The following ABCC4 variants were observed in gnomAD, a reference collection of about 807,000 sequenced individuals.
ABCC4 encodes the protein ATP binding cassette subfamily C member 4 (PEL blood group).
In ABCC4, 102 loss-of-function variants were observed where a neutral mutation model predicts 168.5. The ratio of observed to expected loss-of-function variants is 0.61; its 90% CI spans 0.52 to 0.71. ABCC4 has a LOEUF of 0.71. ABCC4 is among the 30% of genes least tolerant of loss of function. The pLI is 0.00. For synonymous variants in ABCC4, 617 were observed against 590.7 expected (o/e 1.04, Z -0.65); for missense variants, 1,402 against 1,605.8 (o/e 0.87, Z 2.17).
At chr13:95,120,262 C>T (rs1241380371) in intron 19 of ABCC4, among the ~76,000 whole-genome samples, 1 of 151,630 alleles carries the variant, frequency 6.6e-6, no homozygotes, top group African/African-American at 2.4e-5. Context: ...AAAACTAATA[C>T]TTTTGATAAG....
Position 95,247,182 on chromosome 13 carries a change from T to C in ABCC4, c.186-87A>G, listed in dbSNP as rs1478492308. 2.1e-6 allele frequency: 3 copies of C among 1,420,780 alleles called. No individual in the cohort carries two copies. The East Asian group carries it at 6.9e-5, about 32-fold the overall frequency. The allele number at this position is 1,420,780 out of a possible 1,614,324, so 88.0% of individuals were successfully genotyped here. On this transcript the variant is annotated intron_variant, in intron 2 of 30. Coordinates refer to ENST00000645237, the MANE Select transcript of ABCC4 (RefSeq NM_005845.5). The stretch of plus-strand genomic sequence containing the variant: ...GATGGCAGAGTGACAGGTATGCATT[T>C]AAGACAGGGCATTTTGTGACGATTT...
intron 1 of ABCC4, among the ~76,000 whole-genome samples, chr13:95,270,780 T>C (rs537989239): frequency 2.0e-5 from 3 of 152,360 alleles, no homozygotes; most frequent in Non-Finnish European, 4.4e-5. Flanking sequence ...TGAGTTTCTC[T>C]TCTTTCAGAT....
At chr13:95,213,321 G>A (rs7139533) in intron 4 of ABCC4, among the ~76,000 whole-genome samples, 113,373 of 152,102 alleles carry the variant, frequency 0.75, 43,068 homozygotes, top group Non-Finnish European at 0.84. Flanking sequence ...GTGGTGGCCC[G>A]GGACTGACCT....
chr13:95,131,501 C>G (rs562267248), intron 19 of ABCC4, among the ~76,000 whole-genome samples: 1 of 151,970 alleles, frequency 6.6e-6, no homozygotes, highest in Admixed American at 6.6e-5. Context: ...TGGTGGTGCA[C>G]GACTATAATC....
chr13:95,107,515 G>GT (rs2139390178), intron 20 of ABCC4, among the ~76,000 whole-genome samples: 1 of 152,276 alleles, frequency 6.6e-6, no homozygotes, highest in East Asian at 1.9e-4. Context: ...TTTTTTAACA[G>GT]TAACTATAGA....
chr13:95,280,552 T>C (rs1015068261), intron 1 of ABCC4, among the ~76,000 whole-genome samples: 1 of 142,728 alleles, frequency 7.0e-6, no homozygotes, highest in Non-Finnish European at 1.5e-5. Context: ...GTAGCTGCCA[T>C]TTGCTGTTTT....
At chr13:95,093,256 C>T (rs760696147) in intron 20 of ABCC4, among the ~76,000 whole-genome samples, 6 of 152,002 alleles carry the variant, frequency 3.9e-5, no homozygotes, top group Non-Finnish European at 8.8e-5. Context: ...CACTGCAAAC[C>T]GATATCCTTG....
At chr13:95,182,374 C>G (rs2037926522) in intron 11 of ABCC4, among the ~76,000 whole-genome samples, 1 of 152,080 alleles carries the variant, frequency 6.6e-6, no homozygotes, top group Non-Finnish European at 1.5e-5. Context: ...TAAAAGTGCT[C>G]AAGGATTAAA....
intron 4 of ABCC4, among the ~76,000 whole-genome samples, chr13:95,216,612 A>C (rs1281539060): frequency 0.055 from 762 of 13,916 alleles, 10 homozygotes; most frequent in Middle Eastern, 0.14. Flanking sequence ...AATTCACAAA[A>C]AAAAAAAAAA....
intron 27 of ABCC4, among the ~76,000 whole-genome samples, chr13:95,046,053 T>C (rs375868863): frequency 6.6e-6 from 1 of 152,136 alleles, no homozygotes; most frequent in Non-Finnish European, 1.5e-5. Flanking sequence ...CTGAAAATTA[T>C]AGGATGGAAT....
At chr13:95,047,132 T>G (rs115850104) in intron 27 of ABCC4, among the ~76,000 whole-genome samples, 3,238 of 152,268 alleles carry the variant, frequency 0.021, 103 homozygotes, top group African/African-American at 0.072. Flanking sequence ...GAGAAGGGTA[T>G]GTGTATGTTC....
chr13:95,084,744 T>C (rs553028084), intron 20 of ABCC4, among the ~76,000 whole-genome samples: 13 of 152,352 alleles, frequency 8.5e-5, no homozygotes, highest in African/African-American at 2.4e-4. Flanking sequence ...GCAAATGACA[T>C]GTATGAGCAC....
chr13:95,178,029 A>C lies in ABCC4; in HGVS notation c.1608T>G (p.Ser536Arg). ...TVIGDRGTTL[S>R]GGQKARVNLA... ...GGTTTACCCGTGCTTTCTGCCCTCC[A>C]CTCAGCGTGGTTCCCCGATCTCCTA... The change falls in exon 12 of 31, where the codon AGT becomes AGG. Residue 536 changes from serine (S) to arginine (R), a missense_variant. Physicochemically the swap from Ser to Arg is moderately radical, Grantham distance 110. Coordinates refer to ENST00000645237, the MANE Select transcript of ABCC4 (RefSeq NM_005845.5). 1 of 1,613,962 alleles carries C rather than the reference A, an allele frequency of 6.2e-7. No homozygotes were observed. Among genetic ancestry groups the C allele is most frequent in the Non-Finnish European group, 8.5e-7 (1 of 1,179,982 alleles).
intron 20 of ABCC4, among the ~76,000 whole-genome samples, chr13:95,113,287 A>G (rs118025620): frequency 0.028 from 4,276 of 152,224 alleles, 80 homozygotes; most frequent in Non-Finnish European, 0.047. Flanking sequence ...AATTCAGGAG[A>G]CTACTTAGAA....
Position 95,206,760 on chromosome 13 carries a change from C to G in ABCC4, c.933G>C (p.Leu311=). ...NLRKKEISKI[L]RSSCLRGMNL... is the part of the protein sequence containing the mutation. ...TCATCCCTCTGAGGCAGGAACTTCT[C>G]AGAATCTTGGAAATCTCCTTCCTGA... is the stretch of plus-strand genomic sequence containing the variant. Residue 311 remains leucine (L), a synonymous_variant, in exon 8 of 31, where the codon CTG becomes CTC. Transcript: ENST00000645237. 1.2e-6 allele frequency: 2 copies of G among 1,614,102 alleles called. No homozygotes were observed. The highest frequency in any genetic ancestry group is 1.7e-6 in the Non-Finnish European group (2 of 1,179,998).
At chr13:95,259,149 G>A (rs2040464716) in intron 1 of ABCC4, among the ~76,000 whole-genome samples, 1 of 152,164 alleles carries the variant, frequency 6.6e-6, no homozygotes, top group African/African-American at 2.4e-5. Context: ...CACTTTAGGA[G>A]GCTGAGGCAG....
At chr13:95,273,161 G>A (rs2040886423) in intron 1 of ABCC4, among the ~76,000 whole-genome samples, 1 of 152,138 alleles carries the variant, frequency 6.6e-6, no homozygotes, top group East Asian at 1.9e-4. Flanking sequence ...TGCTTATCTG[G>A]AATGTTCCCT....
At chr13:95,032,774 C>T (rs1273221531) in intron 30 of ABCC4, among the ~76,000 whole-genome samples, 1 of 151,822 alleles carries the variant, frequency 6.6e-6, no homozygotes, top group African/African-American at 2.4e-5. Context: ...AGCTATTCTC[C>T]TGCCTCAGTC....
chr13:95,138,742 C>T (rs1186775222), intron 19 of ABCC4, among the ~76,000 whole-genome samples: 6 of 152,212 alleles, frequency 3.9e-5, no homozygotes, highest in Admixed American at 1.3e-4. Flanking sequence ...CGGCAAGCAC[C>T]GAAAGGTGAC....
Sources: gnomAD v4.1 joint callset for allele counts (sites outside exome capture counted in the v4.1 genomes callset) on GRCh38, gnomAD v4.1.1 for gene constraint, MANE v1.5 for transcripts, NCBI Gene and HGNC (gene_info 2026-07-23, HGNC 2026-07-21) for gene names.